Variants in FHIT observed in about 807,000 individuals in gnomAD.
FHIT encodes bis(5'-adenosyl)-triphosphatase.
In FHIT, 19 loss-of-function variants were observed where a neutral mutation model predicts 17.9. The observed-to-expected ratio is 1.06, with a 90% CI of 0.74 to 1.56. The LOEUF (loss-of-function observed/expected upper bound fraction) is 1.56. Ranked by LOEUF, FHIT falls within the 40% of genes most tolerant of loss-of-function variation. The probability of loss-of-function intolerance (pLI) is 0.00; values close to 1 mark genes in which losing one functional copy is unlikely to be tolerated. For missense variants in FHIT, 248 were observed against 189.2 expected, an observed-to-expected ratio of 1.31 and a Z score of -1.82; for synonymous variants, 81 against 69.7, an observed-to-expected ratio of 1.16 and a Z score of -0.81.
intron 4 of FHIT, among the ~76,000 whole-genome samples, chr3:60,762,827 G>C (rs1575493368): frequency 6.6e-6 from 1 of 152,164 alleles, no homozygotes; most frequent in Non-Finnish European, 1.5e-5. Flanking sequence ...TTTGCCAGCA[G>C]TCTGCTTTTG....
intron 8 of FHIT, among the ~76,000 whole-genome samples, chr3:59,826,682 C>T (rs1426017348): frequency 1.3e-5 from 2 of 152,254 alleles, no homozygotes; most frequent in Non-Finnish European, 2.9e-5. Flanking sequence ...GGAGTCTCAG[C>T]GTGTGTCTCA....
intron 1 of FHIT, among the ~76,000 whole-genome samples, chr3:61,222,436 G>T (rs1225720804): frequency 3.3e-5 from 5 of 152,182 alleles, no homozygotes; most frequent in Non-Finnish European, 7.3e-5. Flanking sequence ...ATGCCTGCTG[G>T]CTCATGGCTT....
chr3:60,048,648 T>C (rs995304008), intron 5 of FHIT, among the ~76,000 whole-genome samples: 3 of 152,202 alleles, frequency 2.0e-5, no homozygotes, highest in African/African-American at 7.2e-5. Context: ...CCCTCTGCTT[T>C]ATGAGGGCTT....
chr3:60,731,534 G>A (rs782083053), intron 4 of FHIT, among the ~76,000 whole-genome samples: 1 of 152,228 alleles, frequency 6.6e-6, no homozygotes, highest in South Asian at 2.1e-4. Context: ...GGCTGTTCAC[G>A]TGCTGGGTGG....
At chr3:60,018,079 T>C (rs1700412812) in intron 5 of FHIT, among the ~76,000 whole-genome samples, 1 of 152,156 alleles carries the variant, frequency 6.6e-6, no homozygotes, top group Non-Finnish European at 1.5e-5. Context: ...CTGAAGGCTG[T>C]CCAAGAAGCA....
chr3:61,016,575 A>G (rs961263858), intron 3 of FHIT, among the ~76,000 whole-genome samples: 1 of 152,232 alleles, frequency 6.6e-6, no homozygotes, highest in Non-Finnish European at 1.5e-5. Flanking sequence ...GCCTGCAGCT[A>G]TCCGGGTACA....
chr3:60,248,454 T>C (rs1705517516), intron 5 of FHIT, among the ~76,000 whole-genome samples: 1 of 152,036 alleles, frequency 6.6e-6, no homozygotes, highest in African/African-American at 2.4e-5. Flanking sequence ...TGTTGGAAAA[T>C]GGAATGATTC....
intron 2 of FHIT, among the ~76,000 whole-genome samples, chr3:61,167,628 CAA>C (rs34229498): frequency 0.38 from 37,514 of 98,500 alleles, 3,195 homozygotes; most frequent in East Asian, 0.41. Flanking sequence ...AACTGTGTCT[CAA>C]AAAAAAAAAA....
intron 9 of FHIT, 27 bp from the exon 10 acceptor site, chr3:59,749,606 G>T (rs567214830): frequency 4.3e-6 from 1 of 231,102 alleles, no homozygotes; most frequent in Admixed American, 5.7e-5. Flanking sequence ...ACAAACAAAG[G>T]CCTTATGATT....
At position 60,553,502 on chromosome 3, in the gene FHIT, AAT is replaced by A. The variant is rs769240914; in HGVS notation, c.-17-16525_-17-16524del. On this transcript the variant is annotated intron_variant, in intron 4 of 9. Transcript: ENST00000492590. Reference sequence around the variant, plus strand: ...TATAAAAATTATATATATTTAAAAAAATATATATATATATATATAGAGAGAGA... The same window carrying A: ...TATAAAAATTATATATATTTAAAAAAATATATATATATATATAGAGAGAGA... 628 of 91,662 alleles carry A rather than the reference AAT, an allele frequency of 6.9e-3. 5 individuals carry two copies. Among genetic ancestry groups the A allele is most frequent in the Non-Finnish European group, 0.011 (489 of 46,220 alleles). 5.7% of individuals were successfully genotyped at this position (91,662 alleles called of 1,614,324 possible).
At chr3:60,784,310 C>T (rs1201968209) in intron 4 of FHIT, among the ~76,000 whole-genome samples, 1 of 151,772 alleles carries the variant, frequency 6.6e-6, no homozygotes, top group Non-Finnish European at 1.5e-5. Context: ...AGGTGACCTG[C>T]TCTACCCAGA....
intron 4 of FHIT, among the ~76,000 whole-genome samples, chr3:60,751,262 T>C (rs1445247093): frequency 6.6e-6 from 1 of 152,236 alleles, no homozygotes; most frequent in Non-Finnish European, 1.5e-5. Context: ...TTTTCTAATT[T>C]TATATAGGAG....
intron 4 of FHIT, among the ~76,000 whole-genome samples, chr3:60,682,819 G>C (rs2040782387): frequency 6.6e-6 from 1 of 152,140 alleles, no homozygotes; most frequent in African/African-American, 2.4e-5. Flanking sequence ...AGATTGATCT[G>C]GGCAAAGTAA....
At chr3:60,016,281 A>G (rs969101376) in intron 5 of FHIT, among the ~76,000 whole-genome samples, 1 of 152,226 alleles carries the variant, frequency 6.6e-6, no homozygotes, top group African/African-American at 2.4e-5. Context: ...TCTAGAGTAT[A>G]GAGTTTTTTT....
At chr3:60,003,134 A>T (rs1699791191) in intron 7 of FHIT, among the ~76,000 whole-genome samples, 1 of 152,162 alleles carries the variant, frequency 6.6e-6, no homozygotes, top group Non-Finnish European at 1.5e-5. Context: ...AACCATGTAC[A>T]CATTACCCAA....
At chr3:60,928,236 C>G (rs1707753051) in intron 3 of FHIT, among the ~76,000 whole-genome samples, 1 of 151,562 alleles carries the variant, frequency 6.6e-6, no homozygotes, top group Non-Finnish European at 1.5e-5. Flanking sequence ...ATCTGCTGAC[C>G]TTCTCTCCAC....
chr3:60,892,191 G>GT (rs1705549276), intron 3 of FHIT, among the ~76,000 whole-genome samples: 2 of 152,148 alleles, frequency 1.3e-5, no homozygotes, highest in Admixed American at 6.5e-5. Context: ...GGTTTGTTTG[G>GT]TTTTTTCTTT....
At chr3:60,003,469 G>C (rs557640755) in intron 7 of FHIT, among the ~76,000 whole-genome samples, 1 of 152,278 alleles carries the variant, frequency 6.6e-6, no homozygotes, top group Admixed American at 6.5e-5. Context: ...TAAGGATGTG[G>C]TGTAGTCTAA....
intron 5 of FHIT, among the ~76,000 whole-genome samples, chr3:60,297,081 T>C (rs1206045661): frequency 1.3e-5 from 2 of 152,070 alleles, no homozygotes; most frequent in Non-Finnish European, 2.9e-5. Context: ...ATAGACTAAT[T>C]CCTACCACCT....
Sources: gnomAD v4.1 joint callset for allele counts (sites outside exome capture counted in the v4.1 genomes callset) on GRCh38, gnomAD v4.1.1 for gene constraint, MANE v1.5 for transcripts, NCBI Gene and HGNC (gene_info 2026-07-23, HGNC 2026-07-21) for gene names.